SHANK1: variants seen among roughly 807,000 people sequenced by gnomAD.
SHANK1 encodes the protein SH3 and multiple ankyrin repeat domains protein 1.
In SHANK1, 35 loss-of-function variants were observed where a neutral mutation model predicts 165.6. That is an observed-to-expected ratio of 0.21 (90% confidence interval 0.16 to 0.28). SHANK1 has a LOEUF of 0.28. SHANK1 is among the 10% of genes least tolerant of loss of function. The probability of loss-of-function intolerance (pLI) is 1.00; values close to 1 mark genes in which losing one functional copy is unlikely to be tolerated. For missense variants in SHANK1, 2,681 were observed against 3,036.4 expected (o/e 0.88, Z 2.75); for synonymous variants, 1,428 against 1,384.8 (o/e 1.03, Z -0.69).
intron 21 of SHANK1, among the ~76,000 whole-genome samples, chr19:50,678,091 CTGTGAGTTAGGGTGGATTATACCCA>C (rs1986036684): frequency 6.6e-6 from 1 of 152,166 alleles, no homozygotes; most frequent in African/African-American, 2.4e-5. Flanking sequence ...ATCCTCACAC[CTGTGAGTTAGGGTGGATTATACCCA>C]TTTGGATGAT....
Position 50,719,596 on chromosome 19 carries a change from G to C in SHANK1, c.-234C>G, listed in dbSNP as rs1175684150. On this transcript the variant is annotated 5_prime_UTR_variant, in exon 1 of 24. Coordinates refer to ENST00000293441, the MANE Select transcript of SHANK1 (RefSeq NM_016148.5). The stretch of plus-strand genomic sequence containing the variant: ...GAGGGCCGAGGACCTCACCCCCCCC[G>C]CGGGCCGGGCCTGGCCATCCGCAGA... 1.5e-5 allele frequency: 2 copies of C among 135,662 alleles called. No homozygotes were observed. Among genetic ancestry groups the C allele is most frequent in the Non-Finnish European group, 3.2e-5 (2 of 62,222 alleles). 8.4% of individuals were successfully genotyped at this position (135,662 alleles called of 1,614,324 possible).
At position 50,716,505 on chromosome 19, in the gene SHANK1, G is replaced by C. The variant is rs984849940; in HGVS notation, c.256-27C>G. 1.2e-6 allele frequency: 2 copies of C among 1,612,126 alleles called. No homozygotes were observed. The highest frequency in any genetic ancestry group is 8.5e-7 in the Non-Finnish European group (1 of 1,178,756). ...TGGTTGGGGAAGAGATAGGGGCTAG[G>C]GTGGGCCAGGGGCCAGAGGAGAGCC... On this transcript the variant is annotated intron_variant, in intron 2 of 23. Transcript: ENST00000293441. The surrounding 1 kb of genome is among the most constrained non-coding windows in gnomAD (Gnocchi z 8.4).
In SHANK1 at chr19:50,668,336, G is replaced by A. The variant is rs1284855872; in HGVS notation, c.3624C>T (p.Pro1208=). 7.1e-6 allele frequency: 9 copies of A among 1,263,568 alleles called. No individual in the cohort carries two copies. The highest frequency in any genetic ancestry group is 8.9e-6 in the Non-Finnish European group (9 of 1,006,610). The allele number at this position is 1,263,568 out of a possible 1,614,324, so 78.3% of individuals were successfully genotyped here. ...PSPAPAMSPV[P]PSPSPVPTPA... is the part of the protein sequence containing the mutation. Reference sequence around the variant, plus strand: ...GGGTGGGCACGGGCGAGGGGGACGGGGGCACGGGTGACATGGCCGGGGCGG... The same window carrying A: ...GGGTGGGCACGGGCGAGGGGGACGGAGGCACGGGTGACATGGCCGGGGCGG... Residue 1208 remains proline (P), a synonymous_variant, in exon 23 of 24, where the codon CCC becomes CCT. Coordinates refer to ENST00000293441, the MANE Select transcript of SHANK1 (RefSeq NM_016148.5).
chr19:50,687,519 A>G, intron 19 of SHANK1, 63 bp downstream of exon 19: 6 of 1,304,650 alleles, frequency 4.6e-6, no homozygotes, highest in South Asian at 1.4e-5. Context: ...AACTCAAGGG[A>G]TGGTCCAGCC....
intron 8 of SHANK1, among the ~76,000 whole-genome samples, chr19:50,709,128 A>G (rs2088978268): frequency 6.6e-6 from 1 of 152,198 alleles, no homozygotes; most frequent in Non-Finnish European, 1.5e-5. Flanking sequence ...ATCCTTTTGC[A>G]TGGTAGATAT....
Position 50,666,694 on chromosome 19 carries a change from T to C in SHANK1, c.5266A>G (p.Lys1756Glu). 1 of 1,584,552 alleles carries C rather than the reference T, an allele frequency of 6.3e-7. No homozygotes were observed. The highest frequency in any genetic ancestry group is 8.6e-7 in the Non-Finnish European group (1 of 1,167,812). ...GCTCCTAGCGCCCGGCCCCGGAGCTTAGAGGGAGTCATGAGCTGAGGAGGG... is the reference window on the plus strand; with the variant it reads ...GCTCCTAGCGCCCGGCCCCGGAGCTCAGAGGGAGTCATGAGCTGAGGAGGG... ...PYPPQLMTPS[K>E]LRGRALGASG... The change falls in exon 23 of 24, where the codon AAG (lysine) becomes GAG (glutamate). Residue 1756 changes from lysine (K) to glutamate (E), a missense_variant. Physicochemically the swap from Lys to Glu is moderately conservative, Grantham distance 56. Transcript: ENST00000293441.
intron 8 of SHANK1, among the ~76,000 whole-genome samples, chr19:50,708,011 G>T (rs1048979899): frequency 1.3e-5 from 2 of 150,480 alleles, no homozygotes; most frequent in Admixed American, 6.7e-5. Context: ...GCAATGGCGC[G>T]ATCTCAGCTC....
Position 50,667,912 on chromosome 19 carries a change from C to G in SHANK1, c.4048G>C (p.Ala1350Pro). 11 of 1,342,986 alleles carry G rather than the reference C, an allele frequency of 8.2e-6. No individual in the cohort carries two copies. Among genetic ancestry groups the G allele is most frequent in the Admixed American group, 3.9e-5 (1 of 25,802 alleles). 83.2% of individuals were successfully genotyped at this position (1,342,986 alleles called of 1,614,324 possible). Residue 1350 changes from alanine (A) to proline (P), a missense_variant, in exon 23 of 24, where the codon GCC becomes CCC. Around this residue, in one of 10 missense-constraint regions of SHANK1, gnomAD observed 1,713 missense variants for 1,630.2 expected, o/e 1.05. Transcript: ENST00000293441. The surrounding 1 kb of genome is among the most constrained non-coding windows in gnomAD (Gnocchi z 5.7). The stretch of plus-strand genomic sequence containing the variant: ...GCCAGGGCCAGCCCCAGCGGGGAGG[C>G]GGGATCCAGGGCCTTGCCGGTCAGC... The part of the protein sequence containing the change: ...HPLTGKALDP[A>P]SPLGLALAAR...
rs2088883544 is a variant in SHANK1, at chr19:50,702,859, T to A, written c.1554-199A>T. ...AGCTGCCCCAACCAGCCCCCTCTCC[T>A]GCCTCCTGGCTTCCGGCTCTGCCCC... On this transcript the variant is annotated intron_variant, in intron 11 of 23. Transcript: ENST00000293441. This position sits in a 1 kb window ranked among gnomAD's most constrained non-coding sequence, Gnocchi z 5.3. Among the ~76,000 whole-genome samples the A allele has an allele frequency of 6.6e-6, 1 of 151,902 alleles. No individual in the cohort carries two copies. The highest frequency in any genetic ancestry group is 1.5e-5 in the Non-Finnish European group (1 of 67,954).
In SHANK1 at chr19:50,712,123, G is replaced by C; in HGVS notation, c.793-9C>G. On this transcript the variant is annotated splice_polypyrimidine_tract_variant and intron_variant, in intron 6 of 23. Transcript: ENST00000293441. ...CCAAGGTCCAGGAGCGCCTAGGAAC[G>C]GAGAGAGAACCCAGTAGAAAAACAC... 6.4e-7 allele frequency: 1 copy of C among 1,571,024 alleles called. No homozygotes were observed. The highest frequency in any genetic ancestry group is 8.6e-7 in the Non-Finnish European group (1 of 1,161,288).
rs556214136 is a variant in SHANK1, at chr19:50,696,618, C to T, written c.1964+478G>A. On this transcript the variant is annotated intron_variant, in intron 15 of 23. Coordinates refer to ENST00000293441, the MANE Select transcript of SHANK1 (RefSeq NM_016148.5). ...GGAGGCCCAAGCCCTGGAATCCTCC[C>T]CTCCTCTGCCCTTCCCTCCCCCAAC... is the stretch of plus-strand genomic sequence containing the variant. Among the ~76,000 whole-genome samples, 3 of 152,226 alleles carry T rather than the reference C, an allele frequency of 2.0e-5. No homozygotes were observed. In the East Asian group the frequency reaches 5.8e-4, roughly 29 times the overall value.
At position 50,666,398 on chromosome 19, in the gene SHANK1, G is replaced by A; in HGVS notation, c.5562C>T (p.Pro1854=). The change falls in exon 23 of 24, where the codon CCC becomes CCT. Residue 1854 remains proline, a synonymous_variant. Transcript: ENST00000293441. ...AGGCTGAGGCCTGAGGCTGGGCCAA[G>A]GGCCCGGGCAGAGGTGGTGGCGGTG... ...PGPPPPPLPG[P]LAQPQASALA... 1 of 1,613,078 alleles carries A rather than the reference G, an allele frequency of 6.2e-7. No homozygotes were observed. The highest frequency in any genetic ancestry group is 8.5e-7 in the Non-Finnish European group (1 of 1,179,732).
chr19:50,667,923 G>C lies in SHANK1; in HGVS notation c.4037C>G (p.Ala1346Gly). ...RPLVHPLTGK[A>G]LDPASPLGLA... is the part of the protein sequence containing the mutation. ...CCCCAGCGGGGAGGCGGGATCCAGG[G>C]CCTTGCCGGTCAGCGGGTGCACCAG... The change falls in exon 23 of 24, where the codon GCC becomes GGC. Residue 1346 changes from alanine to glycine, a missense_variant. By Grantham distance (60) the Ala-to-Gly change is moderately conservative (BLOSUM62 0). Around this residue, in one of 10 missense-constraint regions of SHANK1, gnomAD observed 1,713 missense variants for 1,630.2 expected, o/e 1.05. Transcript: ENST00000293441. This position sits in a 1 kb window ranked among gnomAD's most constrained non-coding sequence, Gnocchi z 5.7. 7.3e-7 allele frequency: 1 copy of C among 1,367,212 alleles called. No homozygotes were observed. The highest frequency in any genetic ancestry group is 9.4e-7 in the Non-Finnish European group (1 of 1,065,988). The allele number at this position is 1,367,212 out of a possible 1,614,324, so 84.7% of individuals were successfully genotyped here.
At chr19:50,715,549 C>T (rs2089059777) in intron 4 of SHANK1, 110 bp downstream of exon 4, 1 of 981,838 alleles carries the variant, frequency 1.0e-6, no homozygotes, top group Admixed American at 1.8e-5. Flanking sequence ...GGATCGCTGG[C>T]TTGGGGAATG....
rs375663996 is a variant in SHANK1 at position 50,714,176 on chromosome 19, C to G, written c.640+6G>C. 1 of 1,613,418 alleles carries G rather than the reference C, an allele frequency of 6.2e-7. No individual in the cohort carries two copies. Among genetic ancestry groups the G allele is most frequent in the East Asian group, 2.2e-5 (1 of 44,876 alleles). On this transcript the variant is annotated splice_donor_region_variant and intron_variant, in intron 5 of 23. Coordinates refer to ENST00000293441, the MANE Select transcript of SHANK1 (RefSeq NM_016148.5). The stretch of plus-strand genomic sequence containing the variant: ...TGAGGTCCTCCTGATGCGCACCCCT[C>G]CCTACCTCCCGAATCCGAGTCATGG...
intron 8 of SHANK1, among the ~76,000 whole-genome samples, chr19:50,709,332 G>A (rs968596210): frequency 6.6e-5 from 10 of 151,988 alleles, no homozygotes; most frequent in Non-Finnish European, 1.3e-4. Flanking sequence ...TAGTAGAGAC[G>A]GGATTTCAGC....
At chr19:50,677,109 G>A (rs1208120084) in intron 21 of SHANK1, among the ~76,000 whole-genome samples, 2 of 151,140 alleles carry the variant, frequency 1.3e-5, no homozygotes, top group Non-Finnish European at 1.5e-5. Flanking sequence ...TAACCTGCCT[G>A]AGACTTCCTA....
In SHANK1 at chr19:50,670,727, G is replaced by A. The variant is rs1452417955; in HGVS notation, c.2674+1291C>T. ...CTCAGGACCTTTGCAGAGGTAGTTC[G>A]CTCTGCCTGGAATGCCTCAACCCCA... On this transcript the variant is annotated intron_variant, in intron 22 of 23. Coordinates refer to ENST00000293441, the MANE Select transcript of SHANK1 (RefSeq NM_016148.5). The surrounding 1 kb of genome is among the most constrained non-coding windows in gnomAD (Gnocchi z 4.1). Among the ~76,000 whole-genome samples, 1 of 151,968 alleles carries A rather than the reference G, an allele frequency of 6.6e-6. No homozygotes were observed. The highest frequency in any genetic ancestry group is 1.5e-5 in the Non-Finnish European group (1 of 68,018).
At chr19:50,711,342 G>C in intron 8 of SHANK1, 29 bp downstream of exon 8, 7 of 1,498,682 alleles carry the variant, frequency 4.7e-6, no homozygotes, top group Non-Finnish European at 6.4e-6. Flanking sequence ...GGGATGTGAG[G>C]GGCCTGGGGT....
Sources: gnomAD v4.1 joint callset for allele counts (sites outside exome capture counted in the v4.1 genomes callset) on GRCh38, gnomAD v4.1.1 for gene constraint, gnomAD v4.1.1 regional missense constraint, Gnocchi (gnomAD v3.1) non-coding constraint, MANE v1.5 for transcripts, NCBI Gene and HGNC (gene_info 2026-07-23, HGNC 2026-07-21) for gene names.